The following CCDC73 variants were observed in gnomAD, a reference collection of about 807,000 sequenced individuals.
CCDC73 encodes the protein coiled-coil domain-containing protein 73.
A neutral mutation model predicts 116.5 loss-of-function variants in CCDC73; 95 were observed. The observed-to-expected ratio is 0.82, with a 90% CI of 0.69 to 0.97. The LOEUF (loss-of-function observed/expected upper bound fraction) is 0.97. Ranked by LOEUF, CCDC73 falls within the 50% of genes least tolerant of loss-of-function variation. The pLI is 0.00. For missense variants in CCDC73, 1,066 were observed against 1,206.8 expected (o/e 0.88, Z 1.73); for synonymous variants, 398 against 401.3 (o/e 0.99, Z 0.10).
chr11:32,783,411 G>A (rs111347376), intron 1 of CCDC73, among the ~76,000 whole-genome samples: 37 of 152,254 alleles, frequency 2.4e-4, no homozygotes, highest in African/African-American at 8.4e-4. Flanking sequence ...AGAAAGGCAT[G>A]GGATCCAGGA....
At chr11:32,621,663 G>A (rs1257131041) in intron 14 of CCDC73, among the ~76,000 whole-genome samples, 2 of 151,856 alleles carry the variant, frequency 1.3e-5, no homozygotes, top group East Asian at 1.9e-4. Flanking sequence ...AAAAGCCATG[G>A]GATCTAATTA....
chr11:32,792,558 C>T (rs914326167), intron 1 of CCDC73, among the ~76,000 whole-genome samples: 3 of 152,256 alleles, frequency 2.0e-5, no homozygotes, highest in African/African-American at 4.8e-5. Context: ...AGGACTAGTG[C>T]TCCCTGGAAC....
intron 2 of CCDC73, among the ~76,000 whole-genome samples, chr11:32,741,299 G>C (rs1055227360): frequency 6.6e-6 from 1 of 152,060 alleles, no homozygotes; most frequent in Non-Finnish European, 1.5e-5. Context: ...TTGTATGAAA[G>C]TCTATCTCTC....
intron 2 of CCDC73, among the ~76,000 whole-genome samples, chr11:32,720,921 T>C (rs976229837): frequency 6.6e-6 from 1 of 152,208 alleles, no homozygotes; most frequent in African/African-American, 2.4e-5. Flanking sequence ...CAAAACTCAC[T>C]GAATGTACAG....
chr11:32,676,751 T>A (rs971224121), intron 7 of CCDC73, among the ~76,000 whole-genome samples: 1 of 152,018 alleles, frequency 6.6e-6, no homozygotes, highest in Non-Finnish European at 1.5e-5. Context: ...GCCGCTGAAC[T>A]CCAGCCCAGG....
In CCDC73 at chr11:32,759,348, T is replaced by A. The variant is rs559525137; in HGVS notation, c.135+761A>T. Among the ~76,000 whole-genome samples, 954 of 150,056 alleles carry A rather than the reference T, an allele frequency of 6.4e-3. 11 individuals carry two copies. Among genetic ancestry groups the A allele is most frequent in the African/African-American group, 0.023 (921 of 40,648 alleles). On this transcript the variant is annotated intron_variant, in intron 2 of 17. Transcript: ENST00000335185. ...TTTCCTTTTTTTTTTTTTTTTTTCT[T>A]GAGATAGAGTCTTGCTCCGTCACCC... is the stretch of plus-strand genomic sequence containing the variant.
rs185331185 is a variant in CCDC73, at chr11:32,665,996, C to A, written c.645+9569G>T. Among the ~76,000 whole-genome samples, 195 of 152,360 alleles carry A rather than the reference C, an allele frequency of 1.3e-3. 5 individuals carry two copies. The highest frequency in any genetic ancestry group is 0.012 in the Admixed American group (188 of 15,304). ...ATGTTGAATATATGGCCCACACTCT[C>A]TTCTGGCTTGTAGTGTTTCTGCTGA... On this transcript the variant is annotated intron_variant, in intron 9 of 17. Coordinates refer to ENST00000335185, the MANE Select transcript of CCDC73 (RefSeq NM_001008391.4).
chr11:32,767,712 C>A (rs1200355103), intron 1 of CCDC73, among the ~76,000 whole-genome samples: 8 of 152,136 alleles, frequency 5.3e-5, no homozygotes, highest in Non-Finnish European at 1.2e-4. Context: ...CCAAAAGACA[C>A]ATGAAAAAAT....
intron 6 of CCDC73, among the ~76,000 whole-genome samples, chr11:32,688,336 T>C (rs1397766337): frequency 6.6e-6 from 1 of 152,132 alleles, no homozygotes; most frequent in Non-Finnish European, 1.5e-5. Flanking sequence ...AAACAGAAAC[T>C]GAGGAACGTT....
chr11:32,755,879 C>CTA lies in CCDC73; in HGVS notation c.135+4229_135+4230insTA, dbSNP rs1216226993. Among the ~76,000 whole-genome samples the CTA allele has an allele frequency of 2.3e-4, 25 of 106,934 alleles. 2 individuals carry two copies. Among genetic ancestry groups the CTA allele is most frequent in the South Asian group, 2.9e-4 (1 of 3,392 alleles). The allele number at this position is 106,934 out of a possible 152,430, so 70.2% of individuals were successfully genotyped here. On this transcript the variant is annotated intron_variant, in intron 2 of 17. Transcript: ENST00000335185. Reference sequence around the variant, plus strand: ...TGTGTATATATCTCCATATATATATCTGTGTATATATCTCCATATATATCT... The same window carrying CTA: ...TGTGTATATATCTCCATATATATATCTATGTGTATATATCTCCATATATATCT...
intron 3 of CCDC73, among the ~76,000 whole-genome samples, chr11:32,707,764 G>C (rs7933967): frequency 0.67 from 101,770 of 151,916 alleles, 34,183 homozygotes; most frequent in East Asian, 0.84. Flanking sequence ...AATTATAAAC[G>C]ATTCAATACT....
rs747167856 is a variant in CCDC73 at position 32,673,555 on chromosome 11, T to A, written c.645+2010A>T. On this transcript the variant is annotated intron_variant, in intron 9 of 17. Transcript: ENST00000335185. ...TATTCATTTCATTCATATTCATTTA[T>A]CCCTTGAGTCCAAAATATACAACTA... Among the ~76,000 whole-genome samples the A allele has an allele frequency of 3.3e-4, 51 of 152,314 alleles. 1 individual carries two copies. In the Middle Eastern group the frequency reaches 0.01, roughly 30 times the overall value.
chr11:32,746,887 A>T (rs1348123148), intron 2 of CCDC73, among the ~76,000 whole-genome samples: 1 of 152,150 alleles, frequency 6.6e-6, no homozygotes, highest in Non-Finnish European at 1.5e-5. Flanking sequence ...TTTAGCTCGG[A>T]GAAGTTTGTT....
intron 12 of CCDC73, among the ~76,000 whole-genome samples, chr11:32,651,253 G>C (rs1209111076): frequency 6.6e-6 from 1 of 152,166 alleles, no homozygotes; most frequent in East Asian, 1.9e-4. Flanking sequence ...TCAGTACCTG[G>C]ACTGGGGATT....
upstream of CCDC73, among the ~76,000 whole-genome samples, chr11:32,797,496 C>T (rs1850735067): frequency 6.6e-6 from 1 of 152,186 alleles, no homozygotes; most frequent in Admixed American, 6.5e-5. Context: ...TTCCAGTTCA[C>T]AGGTCCCCTC....
intron 1 of CCDC73, among the ~76,000 whole-genome samples, chr11:32,768,915 C>A (rs948970633): frequency 6.6e-6 from 1 of 152,130 alleles, no homozygotes; most frequent in Admixed American, 6.6e-5. Context: ...GATGTCTGAA[C>A]AAGTACTTCA....
chr11:32,687,763 T>C (rs1335641384), intron 6 of CCDC73, among the ~76,000 whole-genome samples: 1 of 152,144 alleles, frequency 6.6e-6, no homozygotes, highest in Non-Finnish European at 1.5e-5. Context: ...AGCACTCAGA[T>C]CTTGGTTTCT....
At chr11:32,734,490 C>T (rs1344584481) in intron 2 of CCDC73, among the ~76,000 whole-genome samples, 1 of 145,214 alleles carries the variant, frequency 6.9e-6, no homozygotes, top group Admixed American at 7.2e-5. Flanking sequence ...TTGGCAGGGT[C>T]ATAGGACAAT....
chr11:32,721,565 C>CTT (rs1849989790), intron 2 of CCDC73, among the ~76,000 whole-genome samples: 1 of 150,332 alleles, frequency 6.7e-6, no homozygotes, highest in Non-Finnish European at 1.5e-5. Flanking sequence ...AAAATATGTG[C>CTT]TTTTTAAATG....
Sources: allele counts gnomAD v4.1 joint callset (sites outside exome capture counted in the v4.1 genomes callset), GRCh38; gene constraint gnomAD v4.1.1; transcripts MANE v1.5; gene names NCBI Gene and HGNC (gene_info 2026-07-23, HGNC 2026-07-21).